Variants in TNFRSF8 observed in about 807,000 individuals in gnomAD.
TNFRSF8 encodes the protein tumor necrosis factor receptor superfamily member 8.
In TNFRSF8, 26 loss-of-function variants were observed where a neutral mutation model predicts 70.8. The observed-to-expected ratio is 0.37, with a 90% CI of 0.27 to 0.51. TNFRSF8 has a LOEUF of 0.51. Ranked by LOEUF, TNFRSF8 falls within the 20% of genes least tolerant of loss-of-function variation. The pLI is 0.94. For missense variants in TNFRSF8, 720 were observed against 807.9 expected (o/e 0.89, Z 1.32); for synonymous variants, 356 against 339.2 (o/e 1.05, Z -0.54).
At chr1:12,134,341 T>G (rs369365891) in intron 12 of TNFRSF8, among the ~76,000 whole-genome samples, 1 of 152,212 alleles carries the variant, frequency 6.6e-6, no homozygotes, top group African/African-American at 2.4e-5. Flanking sequence ...GGTTAAAAGC[T>G]GGGCATCCCT....
intron 1 of TNFRSF8, among the ~76,000 whole-genome samples, chr1:12,066,303 T>C (rs1042957269): frequency 1.3e-5 from 2 of 150,594 alleles, no homozygotes; most frequent in Non-Finnish European, 2.9e-5. Context: ...GGAAGCTCGT[T>C]ATTTTAAAAA....
chr1:12,087,142 A>C (rs1452584101), intron 2 of TNFRSF8, among the ~76,000 whole-genome samples: 1 of 137,306 alleles, frequency 7.3e-6, no homozygotes, highest in African/African-American at 2.8e-5. Context: ...CCATCCAACA[A>C]ATTTTTATTT....
At chr1:12,126,944 C>A (rs1184976641) in intron 12 of TNFRSF8, among the ~76,000 whole-genome samples, 1 of 152,192 alleles carries the variant, frequency 6.6e-6, no homozygotes, top group East Asian at 1.9e-4. Flanking sequence ...AAGCTTCAGG[C>A]CTTCCTGAGT....
At chr1:12,111,792 G>C in intron 6 of TNFRSF8, 106 bp from the exon 7 acceptor site, 1 of 880,600 alleles carries the variant, frequency 1.1e-6, no homozygotes, top group Non-Finnish European at 1.9e-6. Context: ...GACATGCGGA[G>C]TTTGGGAGCT....
In TNFRSF8 at chr1:12,110,097, G is replaced by A. The variant is rs151315213; in HGVS notation, c.569G>A (p.Ser190Asn). The A allele has an allele frequency of 3.5e-4, 562 of 1,613,528 alleles. 5 individuals are homozygous for A. In the Admixed American group the frequency reaches 7.4e-3, roughly 21 times the overall value. Residue 190 changes from serine (S) to asparagine (N), a missense_variant, in exon 6 of 15, where the codon AGC becomes AAC. Transcript: ENST00000263932. The surrounding 1 kb of genome is among the most constrained non-coding windows in gnomAD (Gnocchi z 4.0). ...GTGTCCCCAGCAACCTCCAGTGCCA[G>A]CACCATGCCTGTAAGAGGGGGCACC... The part of the protein sequence containing the change: ...TPVSPATSSA[S>N]TMPVRGGTRL...
chr1:12,081,018 G>C (rs1216407178), intron 1 of TNFRSF8, among the ~76,000 whole-genome samples: 1 of 152,196 alleles, frequency 6.6e-6, no homozygotes, highest in African/African-American at 2.4e-5. Context: ...CTGTAACATG[G>C]GGTAGTGATC....
intron 10 of TNFRSF8, among the ~76,000 whole-genome samples, chr1:12,124,300 C>A (rs903257072): frequency 6.6e-6 from 1 of 152,102 alleles, no homozygotes; most frequent in Non-Finnish European, 1.5e-5. Flanking sequence ...TGAACCACTG[C>A]GCCTGGCTGC....
intron 1 of TNFRSF8, among the ~76,000 whole-genome samples, chr1:12,076,879 T>C (rs927722731): frequency 1.3e-5 from 2 of 152,100 alleles, no homozygotes; most frequent in East Asian, 3.9e-4. Flanking sequence ...GGTGGTATAG[T>C]CTAGTGGTTG....
In TNFRSF8 at chr1:12,142,705, C is replaced by G. The variant is rs533352443; in HGVS notation, c.*174C>G. On this transcript the variant is annotated 3_prime_UTR_variant, in exon 15 of 15. Transcript: ENST00000263932. This position sits in a 1 kb window ranked among gnomAD's most constrained non-coding sequence, Gnocchi z 5.0. Reference sequence around the variant, plus strand: ...GGTCTGGTGGTCTCTGCTTGCATCCCCAACTTAGCTGTCCCCTGACCCAGA... The same window carrying G: ...GGTCTGGTGGTCTCTGCTTGCATCCGCAACTTAGCTGTCCCCTGACCCAGA... 291 of 847,526 alleles carry G rather than the reference C, an allele frequency of 3.4e-4. 2 individuals are homozygous for G. The African/African-American group carries it at 4.1e-3, about 12-fold the overall frequency. 52.5% of individuals were successfully genotyped at this position (847,526 alleles called of 1,614,324 possible). A position where few individuals can be genotyped will look rare whatever the true frequency, so the allele number is the denominator to read the frequency against.
Position 12,112,096 on chromosome 1 carries a change from A to T in TNFRSF8, c.793+82A>T, listed in dbSNP as rs1641644001. On this transcript the variant is annotated intron_variant, in intron 7 of 14. Transcript: ENST00000263932. The surrounding 1 kb of genome is among the most constrained non-coding windows in gnomAD (Gnocchi z 5.3). Reference sequence around the variant, plus strand: ...GAACTTCCAGTAACTACTCCCCCTTATGTTTGTGGGTTTTTGATGGGGGTC... The same window carrying T: ...GAACTTCCAGTAACTACTCCCCCTTTTGTTTGTGGGTTTTTGATGGGGGTC... 42 of 1,013,682 alleles carry T rather than the reference A, an allele frequency of 4.1e-5. No homozygotes were observed. Among genetic ancestry groups the T allele is most frequent in the Non-Finnish European group, 6.0e-5 (40 of 669,688 alleles). The allele number at this position is 1,013,682 out of a possible 1,614,324, so 62.8% of individuals were successfully genotyped here. A position where few individuals can be genotyped will look rare whatever the true frequency, so the allele number is the denominator to read the frequency against.
In TNFRSF8 at chr1:12,128,833, CTTT is replaced by C. The variant is rs60878706; in HGVS notation, c.1309+2614_1309+2616del. Among the ~76,000 whole-genome samples the C allele has an allele frequency of 8.1e-5, 9 of 111,762 alleles. No homozygotes were observed. In the East Asian group the frequency reaches 1.8e-3, roughly 23 times the overall value. The allele number at this position is 111,762 out of a possible 152,430, so 73.3% of individuals were successfully genotyped here. A position where few individuals can be genotyped will look rare whatever the true frequency, so the allele number is the denominator to read the frequency against. ...GGTTGAGAACCACTGGTCTAAAATT[CTTT>C]TTTTTTTTTTTTTTTTGAGACAGAG... On this transcript the variant is annotated intron_variant, in intron 12 of 14. Transcript: ENST00000263932.
At chr1:12,099,458 T>G (rs1010181145) in intron 3 of TNFRSF8, among the ~76,000 whole-genome samples, 3 of 152,044 alleles carry the variant, frequency 2.0e-5, no homozygotes, top group Admixed American at 2.0e-4. Flanking sequence ...TTTCTTATCT[T>G]TAAATTTTAA....
At chr1:12,123,624 T>C in intron 9 of TNFRSF8, 91 bp from the exon 10 acceptor site, 1 of 1,164,368 alleles carries the variant, frequency 8.6e-7, no homozygotes, top group Non-Finnish European at 1.2e-6. Context: ...CAGGCTCTGG[T>C]TGCGCAGTCT....
intron 13 of TNFRSF8, among the ~76,000 whole-genome samples, chr1:12,136,381 G>C (rs1182920216): frequency 1.3e-5 from 2 of 152,086 alleles, no homozygotes; most frequent in Non-Finnish European, 2.9e-5. Context: ...GGATATGATG[G>C]CTCACACTTA....
chr1:12,104,666 G>A (rs988029203), intron 4 of TNFRSF8, 135 bp downstream of exon 4: 8 of 1,136,044 alleles, frequency 7.0e-6, no homozygotes, highest in East Asian at 2.6e-5. Flanking sequence ...CTCCTTTGGC[G>A]ATGGGCCAGG....
At chr1:12,121,616 G>T (rs1218218442) in intron 8 of TNFRSF8, among the ~76,000 whole-genome samples, 3 of 152,178 alleles carry the variant, frequency 2.0e-5, no homozygotes, top group Non-Finnish European at 4.4e-5. Flanking sequence ...CCAGCCCTGC[G>T]GCTCTCTCCA....
intron 2 of TNFRSF8, among the ~76,000 whole-genome samples, chr1:12,093,603 C>G (rs1641281411): frequency 6.6e-6 from 1 of 151,946 alleles, no homozygotes; most frequent in African/African-American, 2.4e-5. Flanking sequence ...TGCAGTGGCG[C>G]TATGCCCGCT....
At chr1:12,131,810 T>C (rs1380437359) in intron 12 of TNFRSF8, among the ~76,000 whole-genome samples, 4 of 152,166 alleles carry the variant, frequency 2.6e-5, no homozygotes, top group Admixed American at 2.6e-4. Context: ...CATTTTTTTT[T>C]TGAGGCAGAG....
intron 1 of TNFRSF8, among the ~76,000 whole-genome samples, chr1:12,064,271 A>T (rs11569791): frequency 1.7e-3 from 253 of 152,204 alleles, no homozygotes; most frequent in Non-Finnish European, 2.9e-3. Flanking sequence ...TTGCCCCTGG[A>T]AGAAGGTCAG....
Sources: allele counts gnomAD v4.1 joint callset (sites outside exome capture counted in the v4.1 genomes callset), GRCh38; gene constraint gnomAD v4.1.1; non-coding constraint Gnocchi (gnomAD v3.1); transcripts MANE v1.5; gene names NCBI Gene and HGNC (gene_info 2026-07-23, HGNC 2026-07-21).